The following CDH2 variants were observed in gnomAD, a reference collection of about 807,000 sequenced individuals.
The protein encoded by CDH2 is cadherin 2, also known as cadherin-2.
CDH2 carries 17 observed loss-of-function variants against 92.0 expected under a neutral mutation model. The observed-to-expected ratio is 0.18, with a 90% CI of 0.13 to 0.28. The LOEUF is 0.28. Ranked by LOEUF, CDH2 falls within the 10% of genes least tolerant of loss-of-function variation. CDH2 has a pLI of 1.00. For missense variants in CDH2, 862 were observed against 1,133.1 expected, an observed-to-expected ratio of 0.76 and a Z score of 3.44; for synonymous variants, 419 against 415.9, an observed-to-expected ratio of 1.01 and a Z score of -0.09.
At chr18:28,163,720 T>G (rs1195029761) in intron 1 of CDH2, among the ~76,000 whole-genome samples, 1 of 152,202 alleles carries the variant, frequency 6.6e-6, no homozygotes, top group African/African-American at 2.4e-5. Context: ...CTGAATCTTA[T>G]AAACATAACG....
chr18:28,080,578 T>C (rs775824340), intron 2 of CDH2, among the ~76,000 whole-genome samples: 1 of 152,196 alleles, frequency 6.6e-6, no homozygotes, highest in Non-Finnish European at 1.5e-5. Context: ...AATGCTGAAA[T>C]AAATTACCAT....
intron 2 of CDH2, among the ~76,000 whole-genome samples, chr18:28,051,812 C>T (rs1273678298): frequency 2.0e-5 from 3 of 152,038 alleles, no homozygotes; most frequent in African/African-American, 7.2e-5. Context: ...TACGAAATCA[C>T]TACGTAATAA....
intron 2 of CDH2, among the ~76,000 whole-genome samples, chr18:28,046,381 G>T (rs1247701929): frequency 6.6e-6 from 1 of 151,882 alleles, no homozygotes; most frequent in Non-Finnish European, 1.5e-5. Flanking sequence ...TTAAAACAGA[G>T]AATTATTTCT....
chr18:27,991,095 CCAAAGTT>C (rs952895656), intron 9 of CDH2, among the ~76,000 whole-genome samples: 2 of 152,142 alleles, frequency 1.3e-5, no homozygotes, highest in Non-Finnish European at 2.9e-5. Context: ...ATACTAACTT[CCAAAGTT>C]CACTGAATCT....
intron 2 of CDH2, among the ~76,000 whole-genome samples, chr18:28,125,726 C>T (rs1261084449): frequency 6.6e-6 from 1 of 152,082 alleles, no homozygotes. Context: ...CATGTATGCA[C>T]CCTAACAGGC....
intron 14 of CDH2, 141 bp downstream of exon 14, chr18:27,982,803 C>A: frequency 9.8e-6 from 4 of 406,354 alleles, no homozygotes; most frequent in South Asian, 7.2e-5. Context: ...AAATATTCAA[C>A]ACACATAGGA....
At position 27,956,732 on chromosome 18, in the gene CDH2, A is replaced by C. The variant is rs538436760; in HGVS notation, c.2515-4373T>G. On this transcript the variant is annotated intron_variant, in intron 15 of 15. Transcript: ENST00000269141. Reference sequence around the variant, plus strand: ...CTCTATGACTCCTTCCAAATGAAAGAGTTCCCCCGACAATGGGCAAAATGA... The same window carrying C: ...CTCTATGACTCCTTCCAAATGAAAGCGTTCCCCCGACAATGGGCAAAATGA... Among the ~76,000 whole-genome samples the C allele has an allele frequency of 7.9e-5, 12 of 152,318 alleles. No individual in the cohort carries two copies. In the South Asian group the frequency reaches 2.3e-3, roughly 29 times the overall value.
At chr18:28,036,356 C>T in intron 2 of CDH2, 10 of 674,732 alleles carry the variant, frequency 1.5e-5, no homozygotes, top group South Asian at 3.3e-5. Context: ...CATTAAATTC[C>T]TTGTTTAAAA....
chr18:28,123,500 A>G (rs1391690017), intron 2 of CDH2, among the ~76,000 whole-genome samples: 2 of 152,166 alleles, frequency 1.3e-5, no homozygotes, highest in African/African-American at 2.4e-5. Flanking sequence ...CTGTTCACTC[A>G]TTCTTCATTA....
At chr18:28,106,728 T>C (rs959692926) in intron 2 of CDH2, among the ~76,000 whole-genome samples, 1 of 152,170 alleles carries the variant, frequency 6.6e-6, no homozygotes, top group African/African-American at 2.4e-5. Flanking sequence ...GGTAAATACG[T>C]ATGAGCATTT....
At chr18:27,974,024 T>A (rs779183442) in intron 14 of CDH2, among the ~76,000 whole-genome samples, 8 of 152,300 alleles carry the variant, frequency 5.3e-5, no homozygotes, top group Middle Eastern at 3.4e-3. Flanking sequence ...TAGACTTAGG[T>A]CACTGAAATT....
At chr18:28,101,538 A>T (rs2015227067) in intron 2 of CDH2, among the ~76,000 whole-genome samples, 1 of 152,142 alleles carries the variant, frequency 6.6e-6, no homozygotes, top group African/African-American at 2.4e-5. Flanking sequence ...TACACTTGTG[A>T]TTTATAAACA....
intron 2 of CDH2, among the ~76,000 whole-genome samples, chr18:28,114,552 T>G (rs181957208): frequency 1.4e-4 from 22 of 152,286 alleles, no homozygotes; most frequent in Admixed American, 1.4e-3. Context: ...GGCCTGACAA[T>G]TGATGAGCAA....
chr18:28,132,761 C>A (rs1207552097), intron 2 of CDH2, among the ~76,000 whole-genome samples: 1 of 152,204 alleles, frequency 6.6e-6, no homozygotes, highest in Non-Finnish European at 1.5e-5. Context: ...TGATTTCACA[C>A]AAAATGTTAT....
chr18:28,047,823 C>G (rs1423860790), intron 2 of CDH2, among the ~76,000 whole-genome samples: 1 of 131,352 alleles, frequency 7.6e-6, no homozygotes, highest in East Asian at 2.4e-4. Flanking sequence ...GAGCCGAGAT[C>G]GGGCCACTGC....
intron 2 of CDH2, among the ~76,000 whole-genome samples, chr18:28,067,872 C>T (rs1396355140): frequency 1.3e-5 from 2 of 152,072 alleles, no homozygotes; most frequent in African/African-American, 4.8e-5. Flanking sequence ...CAAATTTTCT[C>T]ATTTCTATAA....
At chr18:28,153,216 C>A (rs17536696) in intron 1 of CDH2, among the ~76,000 whole-genome samples, 3 of 152,096 alleles carry the variant, frequency 2.0e-5, no homozygotes, top group South Asian at 4.1e-4. Context: ...CAGAACAAAG[C>A]CCCTGGTGAT....
intron 2 of CDH2, among the ~76,000 whole-genome samples, chr18:28,144,787 A>T (rs1233658597): frequency 6.6e-6 from 1 of 152,096 alleles, no homozygotes; most frequent in Admixed American, 6.6e-5. Context: ...ATTAAATGTT[A>T]AGGTTGATCA....
At chr18:27,982,036 T>C (rs1221350813) in intron 14 of CDH2, among the ~76,000 whole-genome samples, 1 of 152,214 alleles carries the variant, frequency 6.6e-6, no homozygotes, top group Non-Finnish European at 1.5e-5. Flanking sequence ...AAACTCTGCA[T>C]CTATTACTTC....
Sources: gnomAD v4.1 joint callset for allele counts (sites outside exome capture counted in the v4.1 genomes callset) on GRCh38, gnomAD v4.1.1 for gene constraint, MANE v1.5 for transcripts, NCBI Gene and HGNC (gene_info 2026-07-23, HGNC 2026-07-21) for gene names.